The following CLASP1 variants were observed in gnomAD, a reference collection of about 807,000 sequenced individuals.
The protein encoded by CLASP1 is CLIP-associating protein 1.
A neutral mutation model predicts 192.3 loss-of-function variants in CLASP1; 38 were observed. The observed-to-expected ratio is 0.20, with a 90% CI of 0.15 to 0.26. CLASP1 has a LOEUF of 0.26. CLASP1 is among the 10% of genes least tolerant of loss of function. The probability of loss-of-function intolerance (pLI) is 1.00; values close to 1 mark genes in which losing one functional copy is unlikely to be tolerated. For missense variants in CLASP1, 1,433 were observed against 1,932.5 expected, an observed-to-expected ratio of 0.74 and a Z score of 4.85; for synonymous variants, 691 against 712.8, an observed-to-expected ratio of 0.97 and a Z score of 0.49.
chr2:121,382,747 G>C (rs1302440182), intron 32 of CLASP1, among the ~76,000 whole-genome samples: 1 of 152,154 alleles, frequency 6.6e-6, no homozygotes, highest in Non-Finnish European at 1.5e-5. Context: ...AAGAATCATG[G>C]GGCCTTAATT....
intron 6 of CLASP1, among the ~76,000 whole-genome samples, chr2:121,519,980 G>C (rs1413607248): frequency 6.6e-6 from 1 of 152,168 alleles, no homozygotes; most frequent in Non-Finnish European, 1.5e-5. Flanking sequence ...CAATGTGTCA[G>C]GCCATGAAGA....
intron 1 of CLASP1, among the ~76,000 whole-genome samples, chr2:121,646,126 G>A (rs1019436424): frequency 6.6e-6 from 1 of 152,032 alleles, no homozygotes; most frequent in African/African-American, 2.4e-5. Context: ...TTTTGTTTTT[G>A]TTTTTAGACA....
intron 28 of CLASP1, among the ~76,000 whole-genome samples, chr2:121,400,428 C>A (rs1039972871): frequency 3.3e-5 from 5 of 152,136 alleles, no homozygotes; most frequent in African/African-American, 1.2e-4. Flanking sequence ...GTAAAAGCTG[C>A]ACGCATAGGG....
intron 22 of CLASP1, among the ~76,000 whole-genome samples, chr2:121,419,176 T>G (rs1329088477): frequency 1.3e-5 from 2 of 152,144 alleles, no homozygotes; most frequent in African/African-American, 4.8e-5. Context: ...ACAAACAGAA[T>G]AACCACACTG....
At chr2:121,476,501 G>A (rs149791743) in intron 8 of CLASP1, among the ~76,000 whole-genome samples, 2 of 152,260 alleles carry the variant, frequency 1.3e-5, no homozygotes, top group Admixed American at 1.3e-4. Context: ...CATACTGTTC[G>A]CTCGGAAAAT....
exon 9 of CLASP1, chr2:121,469,898 A>T (rs759249391): frequency 4.0e-5 from 65 of 1,613,660 alleles, no homozygotes; most frequent in Non-Finnish European, 5.2e-5. Context: ...GCCTTGGATG[A>T]TGTAGAACTA....
intron 2 of CLASP1, among the ~76,000 whole-genome samples, chr2:121,556,922 C>T (rs1001777187): frequency 6.6e-6 from 1 of 152,196 alleles, no homozygotes; most frequent in African/African-American, 2.4e-5. Context: ...ACCTGTAGTA[C>T]AGTCCTGTAC....
At chr2:121,365,057 TGGAAAG>T in intron 36 of CLASP1, 31 bp downstream of exon 37, 1 of 1,603,542 alleles carries the variant, frequency 6.2e-7, no homozygotes, top group Non-Finnish European at 8.5e-7. Context: ...CCCCATTACA[TGGAAAG>T]GGGCAAGATA....
intron 8 of CLASP1, among the ~76,000 whole-genome samples, chr2:121,480,027 T>C (rs531754410): frequency 1.3e-5 from 2 of 152,334 alleles, no homozygotes; most frequent in East Asian, 3.9e-4. Context: ...TCACGTTCCA[T>C]TCCTTCCACC....
intron 14 of CLASP1, 34 bp from the exon 15 acceptor site, chr2:121,451,883 T>C (rs983686415): frequency 9.0e-6 from 13 of 1,440,076 alleles, no homozygotes; most frequent in Admixed American, 4.0e-5. Flanking sequence ...AACTTATTAA[T>C]ACATATTTTA....
At chr2:121,509,778 C>T (rs555658920) in intron 7 of CLASP1, among the ~76,000 whole-genome samples, 9 of 152,210 alleles carry the variant, frequency 5.9e-5, no homozygotes, top group African/African-American at 1.9e-4. Flanking sequence ...GCAGAGGTTG[C>T]AGTGAGCCAA....
intron 10 of CLASP1, 99 bp from the exon 11 acceptor site, chr2:121,461,292 A>C (rs1015355357): frequency 4.7e-5 from 32 of 674,522 alleles, no homozygotes; most frequent in Admixed American, 3.4e-5. Context: ...ATGGTAAAAG[A>C]AATTATTTTT....
At chr2:121,350,534 G>A (rs977948359) in intron 37 of CLASP1, among the ~76,000 whole-genome samples, 6 of 152,164 alleles carry the variant, frequency 3.9e-5, no homozygotes, top group Non-Finnish European at 7.3e-5. Flanking sequence ...TCCAGAAGAC[G>A]CTCGGCTTCA....
chr2:121,531,037 T>C (rs548176558), intron 2 of CLASP1: 27 of 699,552 alleles, frequency 3.9e-5, no homozygotes, highest in South Asian at 1.6e-4. Flanking sequence ...GACTTATCAG[T>C]TCAAACAGCA....
chr2:121,630,926 G>A lies in CLASP1; in HGVS notation c.-286+18446C>T, dbSNP rs557944827. ...TGTAATCCCAGCACTTTGGGAGGCC[G>A]AGGTGGGTGGATCACAAGGTCAGGA... On this transcript the variant is annotated intron_variant, in intron 1 of 39. Coordinates refer to ENST00000263710, the Ensembl canonical transcript of CLASP1. Among the ~76,000 whole-genome samples, 24 of 150,684 alleles carry A rather than the reference G, an allele frequency of 1.6e-4. 1 individual carries two copies. Among genetic ancestry groups the A allele is most frequent in the Admixed American group, 2.0e-4 (3 of 15,148 alleles).
chr2:121,348,779 A>T lies in CLASP1; in HGVS notation c.4207-61T>A, dbSNP rs186217514. The T allele has an allele frequency of 2.8e-6, 4 of 1,407,528 alleles. No individual in the cohort carries two copies. The African/African-American group carries it at 4.3e-5, about 15-fold the overall frequency. The allele number at this position is 1,407,528 out of a possible 1,614,324, so 87.2% of individuals were successfully genotyped here. A position where few individuals can be genotyped will look rare whatever the true frequency, so the allele number is the denominator to read the frequency against. ...CATGCCACATGAAGCGAAAGACCAAACATCACTTTTGATTTCAGAGGCCAA... is the reference window on the plus strand; with the variant it reads ...CATGCCACATGAAGCGAAAGACCAATCATCACTTTTGATTTCAGAGGCCAA... On this transcript the variant is annotated intron_variant, in intron 37 of 39. Transcript: ENST00000263710.
intron 7 of CLASP1, among the ~76,000 whole-genome samples, chr2:121,512,820 A>T (rs1553605882): frequency 2.0e-5 from 3 of 152,218 alleles, no homozygotes; most frequent in Non-Finnish European, 4.4e-5. Context: ...TTTCTTAGAG[A>T]TATAATTAAT....
At chr2:121,586,925 A>C (rs1295935248) in intron 2 of CLASP1, among the ~76,000 whole-genome samples, 1 of 152,194 alleles carries the variant, frequency 6.6e-6, no homozygotes, top group East Asian at 1.9e-4. Context: ...AAAGTATCCC[A>C]GGGAAGAAAG....
At chr2:121,393,498 T>A (rs867193609) in intron 30 of CLASP1, among the ~76,000 whole-genome samples, 2 of 152,226 alleles carry the variant, frequency 1.3e-5, no homozygotes, top group Non-Finnish European at 2.9e-5. Flanking sequence ...TTAAATCTTA[T>A]CAATTTTAGA....
Sources: allele counts gnomAD v4.1 joint callset (sites outside exome capture counted in the v4.1 genomes callset), GRCh38; gene constraint gnomAD v4.1.1; transcripts MANE v1.5; gene names NCBI Gene and HGNC (gene_info 2026-07-23, HGNC 2026-07-21).